PDGFA: variants seen among roughly 807,000 people sequenced by gnomAD.
PDGFA encodes the protein platelet derived growth factor subunit A.
A neutral mutation model predicts 25.6 loss-of-function variants in PDGFA; 9 were observed. That is an observed-to-expected ratio of 0.35 (90% CI 0.21 to 0.61). PDGFA has a LOEUF of 0.61. PDGFA is among the 20% of genes least tolerant of loss of function. The pLI, the probability that PDGFA is intolerant of heterozygous loss-of-function variation, is 0.75. For synonymous variants in PDGFA, 133 were observed against 111.8 expected, an observed-to-expected ratio of 1.19 and a Z score of -1.20; for missense variants, 242 against 272.8, an observed-to-expected ratio of 0.89 and a Z score of 0.79.
chr7:503,557 T>C lies in PDGFA; in HGVS notation c.454-2315A>G, dbSNP rs145718504. ...AGGAGGGGAATGTTTCCCAACCTTC[T>C]TGGGGGGAAGGGGGGACTCCAGACT... On this transcript the variant is annotated intron_variant, in intron 4 of 5. Transcript: ENST00000402802. 4.8e-3 allele frequency among the ~76,000 whole-genome samples: 737 copies of C among 152,082 alleles called. 6 individuals are homozygous for C. The highest frequency in any genetic ancestry group is 0.017 in the African/African-American group (693 of 41,508).
Position 509,029 on chromosome 7 carries a change from A to G in PDGFA, c.453+1780T>C, listed in dbSNP as rs1782688065. Reference sequence around the variant, plus strand: ...AACACAGGCCAAAGCCAGCCCACCCAGGGCGCTGCATCCTGCAGGTCTCTG... The same window carrying G: ...AACACAGGCCAAAGCCAGCCCACCCGGGGCGCTGCATCCTGCAGGTCTCTG... On this transcript the variant is annotated intron_variant, in intron 4 of 5. Transcript: ENST00000402802. 2.6e-5 allele frequency among the ~76,000 whole-genome samples: 4 copies of G among 152,224 alleles called. No individual in the cohort carries two copies. In the South Asian group the frequency reaches 8.3e-4, roughly 32 times the overall value.
chr7:505,334 C>A (rs889686216), intron 4 of PDGFA, among the ~76,000 whole-genome samples: 2 of 152,336 alleles, frequency 1.3e-5, no homozygotes, highest in African/African-American at 4.8e-5. Flanking sequence ...CATTCCGATT[C>A]CCCACGGCTG....
At chr7:508,041 C>T (rs1354648006) in intron 4 of PDGFA, among the ~76,000 whole-genome samples, 1 of 152,124 alleles carries the variant, frequency 6.6e-6, no homozygotes, top group Non-Finnish European at 1.5e-5. Context: ...ATACCCAGCA[C>T]CTCAGAGGAC....
intron 4 of PDGFA, among the ~76,000 whole-genome samples, chr7:509,386 A>G (rs984835037): frequency 6.6e-6 from 1 of 151,900 alleles, no homozygotes; most frequent in Admixed American, 6.6e-5. Flanking sequence ...CAACCTCCCG[A>G]CTCAAGGGAT....
chr7:497,869 T>TAAAAAAAAA (rs377428492), exon 6 of PDGFA: 8 of 24,978 alleles, frequency 3.2e-4, no homozygotes, highest in Non-Finnish European at 4.5e-4. Flanking sequence ...AAGAGATAAT[T>TAAAAAAAAA]AAAAAAAAAA....
In PDGFA at chr7:505,365, C is replaced by T. The variant is rs139975714; in HGVS notation, c.454-4123G>A. 7.8e-4 allele frequency among the ~76,000 whole-genome samples: 119 copies of T among 152,296 alleles called. 5 individuals carry two copies. In the East Asian group the frequency reaches 0.019, roughly 24 times the overall value. On this transcript the variant is annotated intron_variant, in intron 4 of 5. Coordinates refer to ENST00000402802, the Ensembl canonical transcript of PDGFA. ...GGCTGAGTTCATCTGCGTCGTAAGCCGCCCCACCTCAACACTCCCGGCGCG... is the reference window on the plus strand; with the variant it reads ...GGCTGAGTTCATCTGCGTCGTAAGCTGCCCCACCTCAACACTCCCGGCGCG...
rs557583079 is a variant in PDGFA at position 512,464 on chromosome 7, G to C, written c.161-9C>G. 3.1e-6 allele frequency: 5 copies of C among 1,613,474 alleles called. No homozygotes were observed. The African/African-American group carries it at 6.7e-5, about 21-fold the overall frequency. Reference sequence around the variant, plus strand: ...CAAAGAATCCTCACTCCCTGCAGGCGGAAGGAGAACACCGTGAATGCCCCA... The same window carrying C: ...CAAAGAATCCTCACTCCCTGCAGGCCGAAGGAGAACACCGTGAATGCCCCA... On this transcript the variant is annotated splice_polypyrimidine_tract_variant and intron_variant, in intron 2 of 5. Coordinates refer to ENST00000402802, the Ensembl canonical transcript of PDGFA.
chr7:510,438 T>G (rs1347259036), intron 4 of PDGFA, among the ~76,000 whole-genome samples: 1 of 144,722 alleles, frequency 6.9e-6, no homozygotes. Flanking sequence ...TGCTGCAGTG[T>G]TGGATGCGTG....
chr7:513,675 G>A (rs919292292), intron 2 of PDGFA, among the ~76,000 whole-genome samples: 18 of 152,174 alleles, frequency 1.2e-4, no homozygotes, highest in African/African-American at 4.3e-4. Flanking sequence ...GCACCTCCTG[G>A]GTTCAGGACT....
At chr7:504,975 G>T (rs541576385) in intron 4 of PDGFA, among the ~76,000 whole-genome samples, 260 of 152,326 alleles carry the variant, frequency 1.7e-3, no homozygotes, top group African/African-American at 6.0e-3. Context: ...GCTCGTCTGG[G>T]AACCCACTGC....
chr7:503,556 C>T (rs1456017491), intron 4 of PDGFA, among the ~76,000 whole-genome samples: 1 of 152,120 alleles, frequency 6.6e-6, no homozygotes, highest in Non-Finnish European at 1.5e-5. Flanking sequence ...TCCCAACCTT[C>T]TTGGGGGGAA....
At chr7:509,981 C>G (rs1782727339) in intron 4 of PDGFA, among the ~76,000 whole-genome samples, 1 of 152,082 alleles carries the variant, frequency 6.6e-6, no homozygotes, top group Non-Finnish European at 1.5e-5. Context: ...AGGGGGGAAG[C>G]CGGGGGGGCC....
intron 4 of PDGFA, among the ~76,000 whole-genome samples, chr7:502,517 G>C (rs554045545): frequency 6.6e-6 from 1 of 152,298 alleles, no homozygotes; most frequent in African/African-American, 2.4e-5. Flanking sequence ...GATCCAGGAG[G>C]AGCACAGGCC....
chr7:510,318 C>G (rs1309827731), intron 4 of PDGFA, among the ~76,000 whole-genome samples: 1 of 151,978 alleles, frequency 6.6e-6, no homozygotes, highest in Admixed American at 6.6e-5. Flanking sequence ...GGGAGCGCAG[C>G]CGTGCACCCC....
rs1190985318 is a variant in PDGFA at position 517,764 on chromosome 7, C to T, written c.64-274G>A. On this transcript the variant is annotated intron_variant, in intron 1 of 5. Transcript: ENST00000402802. The surrounding 1 kb of genome is among the most constrained non-coding windows in gnomAD (Gnocchi z 7.4). Reference sequence around the variant, plus strand: ...CTTTATATTTTCAGACAAAAGCCCCCGCACTCCGGCCCCTCCACCCGGGGT... The same window carrying T: ...CTTTATATTTTCAGACAAAAGCCCCTGCACTCCGGCCCCTCCACCCGGGGT... 6.6e-6 allele frequency among the ~76,000 whole-genome samples: 1 copy of T among 151,958 alleles called. No individual in the cohort carries two copies. Among genetic ancestry groups the T allele is most frequent in the East Asian group, 1.9e-4 (1 of 5,142 alleles).
At chr7:510,204 T>C (rs1229619059) in intron 4 of PDGFA, among the ~76,000 whole-genome samples, 4 of 152,098 alleles carry the variant, frequency 2.6e-5, no homozygotes, top group African/African-American at 9.7e-5. Context: ...GAGGCCAGGC[T>C]CGTCGCCAGA....
At chr7:499,141 C>A (rs1196288517) in intron 5 of PDGFA, among the ~76,000 whole-genome samples, 1 of 152,256 alleles carries the variant, frequency 6.6e-6, no homozygotes, top group African/African-American at 2.4e-5. Context: ...CAGCCTCTCA[C>A]CATGGGGTCT....
At chr7:505,835 C>T (rs1412415562) in intron 4 of PDGFA, among the ~76,000 whole-genome samples, 1 of 152,160 alleles carries the variant, frequency 6.6e-6, no homozygotes, top group Non-Finnish European at 1.5e-5. Context: ...GGGTGTCTCT[C>T]GACAGAGACT....
chr7:501,055 C>G lies in PDGFA; in HGVS notation c.580+61G>C, dbSNP rs764114540. 5.0e-6 allele frequency: 8 copies of G among 1,613,696 alleles called. No homozygotes were observed. In the Admixed American group the frequency reaches 1.2e-4, roughly 24 times the overall value. Reference sequence around the variant, plus strand: ...CGCTCAAGGGGGCCACCTAACACCCCAAAAGCAAGGCTCTGAAGACCTGTT... The same window carrying G: ...CGCTCAAGGGGGCCACCTAACACCCGAAAAGCAAGGCTCTGAAGACCTGTT... On this transcript the variant is annotated intron_variant, in intron 5 of 5. Coordinates refer to ENST00000402802, the Ensembl canonical transcript of PDGFA.
Sources: allele counts gnomAD v4.1 joint callset (sites outside exome capture counted in the v4.1 genomes callset), GRCh38; gene constraint gnomAD v4.1.1; non-coding constraint Gnocchi (gnomAD v3.1); transcripts MANE v1.5; gene names NCBI Gene and HGNC (gene_info 2026-07-23, HGNC 2026-07-21).